Variants in PTPRD observed in about 807,000 individuals in gnomAD.
PTPRD encodes the protein receptor-type tyrosine-protein phosphatase delta.
PTPRD carries 34 observed loss-of-function variants against 214.5 expected under a neutral mutation model. The observed-to-expected ratio is 0.16, with a 90% CI of 0.12 to 0.21. The LOEUF is 0.21. Among genes scored for constraint, PTPRD ranks in the 10% least tolerant of loss-of-function variants. PTPRD has a pLI of 1.00. For missense variants in PTPRD, 2,545 were observed against 2,398.7 expected (o/e 1.06, Z -1.27); for synonymous variants, 1,128 against 845.7 (o/e 1.33, Z -5.79).
chr9:9,935,560 C>A (rs866490773), intron 5 of PTPRD, among the ~76,000 whole-genome samples: 9 of 151,908 alleles, frequency 5.9e-5, no homozygotes, highest in Admixed American at 1.3e-4. Flanking sequence ...CAAACCAATG[C>A]TCAAGGAAAT....
chr9:8,783,842 A>G (rs918380866), intron 11 of PTPRD, among the ~76,000 whole-genome samples: 2 of 152,188 alleles, frequency 1.3e-5, no homozygotes, highest in Non-Finnish European at 2.9e-5. Context: ...ATTACCCTCC[A>G]AAAAAGAAAA....
intron 4 of PTPRD, among the ~76,000 whole-genome samples, chr9:9,960,274 C>T (rs902303838): frequency 8.0e-5 from 12 of 149,622 alleles, no homozygotes; most frequent in Non-Finnish European, 1.2e-4. Flanking sequence ...ACTGGGATAG[C>T]TCCCAATGGC....
At chr9:8,724,160 G>T (rs1302018939) in intron 12 of PTPRD, among the ~76,000 whole-genome samples, 1 of 152,120 alleles carries the variant, frequency 6.6e-6, no homozygotes, top group East Asian at 1.9e-4. Flanking sequence ...ATTAAAAAGT[G>T]AAATTACAAG....
intron 10 of PTPRD, among the ~76,000 whole-genome samples, chr9:9,107,159 G>A (rs911508737): frequency 6.6e-6 from 1 of 152,108 alleles, no homozygotes; most frequent in Non-Finnish European, 1.5e-5. Flanking sequence ...GGAATAGAGT[G>A]TAAGAATCTA....
intron 10 of PTPRD, among the ~76,000 whole-genome samples, chr9:9,152,554 A>T (rs2099877697): frequency 6.6e-6 from 1 of 151,342 alleles, no homozygotes; most frequent in African/African-American, 2.5e-5. Flanking sequence ...AATTCAGGAA[A>T]AAAAGAAAAC....
Position 10,152,409 on chromosome 9 carries a change from C to A in PTPRD, c.-544-118619G>T, listed in dbSNP as rs2099066893. Reference sequence around the variant, plus strand: ...GAGAGTTCTTCATATATTTTGATTACAAATCATTCATCAGATATGTGATTC... The same window carrying A: ...GAGAGTTCTTCATATATTTTGATTAAAAATCATTCATCAGATATGTGATTC... On this transcript the variant is annotated intron_variant, in intron 3 of 45. Coordinates refer to ENST00000381196, the MANE Select transcript of PTPRD (RefSeq NM_002839.4). Among the ~76,000 whole-genome samples the A allele has an allele frequency of 2.6e-5, 4 of 152,158 alleles. No homozygotes were observed. The South Asian group carries it at 6.2e-4, about 24-fold the overall frequency.
At chr9:9,006,497 T>C (rs2099468227) in intron 11 of PTPRD, among the ~76,000 whole-genome samples, 1 of 152,092 alleles carries the variant, frequency 6.6e-6, no homozygotes, top group African/African-American at 2.4e-5. Context: ...CCCCAGAGTT[T>C]TATCTCTGTA....
chr9:8,926,393 G>C (rs1294526479), intron 11 of PTPRD, among the ~76,000 whole-genome samples: 1 of 151,998 alleles, frequency 6.6e-6, no homozygotes, highest in Non-Finnish European at 1.5e-5. Flanking sequence ...GTAAACACTA[G>C]GTCCTAGGCA....
At chr9:10,135,013 C>A (rs547357841) in intron 3 of PTPRD, among the ~76,000 whole-genome samples, 2 of 152,018 alleles carry the variant, frequency 1.3e-5, no homozygotes, top group Non-Finnish European at 2.9e-5. Context: ...GATGACATAG[C>A]AATTTTTTAA....
intron 3 of PTPRD, among the ~76,000 whole-genome samples, chr9:10,171,685 C>T (rs1167683581): frequency 2.0e-5 from 3 of 152,160 alleles, no homozygotes; most frequent in Non-Finnish European, 4.4e-5. Flanking sequence ...CTACCACGCC[C>T]GGCTAATTTT....
At chr9:8,673,006 T>C (rs2097319159) in intron 12 of PTPRD, among the ~76,000 whole-genome samples, 5 of 152,278 alleles carry the variant, frequency 3.3e-5, no homozygotes, top group East Asian at 3.9e-4. Context: ...CCATTTCCTA[T>C]ATTAAAATGA....
chr9:8,914,218 T>G lies in PTPRD; in HGVS notation c.-104+104479A>C, dbSNP rs151231251. Among the ~76,000 whole-genome samples the G allele has an allele frequency of 7.8e-3, 1,195 of 152,238 alleles. 39 individuals carry two copies. In the South Asian group the frequency reaches 0.12, roughly 15 times the overall value. On this transcript the variant is annotated intron_variant, in intron 11 of 45. Transcript: ENST00000381196. ...ATTTTAATGTAATAATGATTAACAA[T>G]TACTATTTTAATTATTCTTTAATTT...
chr9:9,496,912 G>C (rs1010585829), intron 8 of PTPRD, among the ~76,000 whole-genome samples: 4 of 152,094 alleles, frequency 2.6e-5, no homozygotes, highest in African/African-American at 9.7e-5. Context: ...ATATCATTCA[G>C]CCTTAAAAAG....
intron 2 of PTPRD, among the ~76,000 whole-genome samples, chr9:10,361,261 G>T (rs1340112538): frequency 6.6e-6 from 1 of 152,088 alleles, no homozygotes; most frequent in Non-Finnish European, 1.5e-5. Context: ...AATCTGTTGT[G>T]GTATCTCATG....
intron 8 of PTPRD, among the ~76,000 whole-genome samples, chr9:9,542,314 A>C (rs62534661): frequency 0.02 from 3,009 of 151,834 alleles, 47 homozygotes; most frequent in South Asian, 0.042. Context: ...GTCTCACTTA[A>C]TGCCAAAAAA....
intron 10 of PTPRD, among the ~76,000 whole-genome samples, chr9:9,157,734 G>C (rs2099882500): frequency 1.3e-5 from 2 of 151,774 alleles, no homozygotes; most frequent in African/African-American, 4.8e-5. Context: ...TTTATTTAAA[G>C]TTCTGGTGTA....
intron 3 of PTPRD, among the ~76,000 whole-genome samples, chr9:10,190,136 G>A (rs971085561): frequency 1.3e-5 from 2 of 152,058 alleles, no homozygotes; most frequent in East Asian, 3.9e-4. Context: ...GGAGGCTGAG[G>A]GGGGTGGATC....
chr9:8,425,046 A>G (rs1402781032), intron 35 of PTPRD, among the ~76,000 whole-genome samples: 1 of 152,152 alleles, frequency 6.6e-6, no homozygotes. Flanking sequence ...TGTGCCCAAC[A>G]TTTGTTTTTT....
At chr9:10,106,489 A>G (rs1563845973) in intron 3 of PTPRD, among the ~76,000 whole-genome samples, 2 of 151,870 alleles carry the variant, frequency 1.3e-5, no homozygotes, top group African/African-American at 4.8e-5. Context: ...TAACACAAAG[A>G]AAGAAAGAAT....
Sources: gnomAD v4.1 joint callset for allele counts (sites outside exome capture counted in the v4.1 genomes callset) on GRCh38, gnomAD v4.1.1 for gene constraint, MANE v1.5 for transcripts, NCBI Gene and HGNC (gene_info 2026-07-23, HGNC 2026-07-21) for gene names.